Variants in MBD4 observed in about 807,000 individuals in gnomAD.
MBD4 encodes the protein methyl-CpG-binding domain protein 4.
In MBD4, 53 loss-of-function variants were observed where a neutral mutation model predicts 60.2. The observed-to-expected ratio is 0.88, with a 90% CI of 0.71 to 1.11. The LOEUF (loss-of-function observed/expected upper bound fraction) is 1.11. MBD4 is among the 50% of genes least tolerant of loss of function. The pLI is 0.00. For missense variants in MBD4, 619 were observed against 674.0 expected, an observed-to-expected ratio of 0.92 and a Z score of 0.90; for synonymous variants, 231 against 229.8, an observed-to-expected ratio of 1.01 and a Z score of -0.05.
chr3:129,439,511 C>G (rs369289294), intron 1 of MBD4, among the ~76,000 whole-genome samples: 22 of 152,288 alleles, frequency 1.4e-4, no homozygotes, highest in African/African-American at 4.8e-4. Flanking sequence ...CGGCTCCCCC[C>G]CAGTCTCCCT....
intron 3 of MBD4, among the ~76,000 whole-genome samples, chr3:129,435,058 A>C (rs991453580): frequency 1.3e-5 from 2 of 152,168 alleles, no homozygotes; most frequent in African/African-American, 4.8e-5. Flanking sequence ...ACTAGTCAGG[A>C]TGGTTACCTC....
intron 3 of MBD4, among the ~76,000 whole-genome samples, chr3:129,434,883 C>G (rs1302426284): frequency 6.6e-6 from 1 of 152,210 alleles, no homozygotes; most frequent in African/African-American, 2.4e-5. Context: ...TTGAGAACCT[C>G]TATCTATTGG....
At position 129,437,273 on chromosome 3, in the gene MBD4, A is replaced by G; in HGVS notation, c.371T>C (p.Leu124Pro). The G allele has an allele frequency of 6.2e-7, 1 of 1,609,966 alleles. No homozygotes were observed. Among genetic ancestry groups the G allele is most frequent in the Admixed American group, 1.7e-5 (1 of 59,956 alleles). The stretch of plus-strand genomic sequence containing the variant: ...TCCATTTTTGTGAAGATAATTAGCA[A>G]GTGAACTTTTGGATCTGAACTTCAG... ...QGLKFRSKSS[L>P]ANYLHKNGET... Residue 124 changes from leucine (L) to proline (P), a missense_variant, in exon 3 of 8, where the codon CTT (leucine) becomes CCT (proline). Physicochemically the swap from Leu to Pro is moderately conservative, Grantham distance 98. Coordinates refer to ENST00000429544, the MANE Select transcript of MBD4 (RefSeq NM_001276270.2).
intron 3 of MBD4, 128 bp from the exon 4 acceptor site, chr3:129,434,264 T>C (rs1577062309): frequency 1.3e-6 from 1 of 759,002 alleles, no homozygotes; most frequent in Non-Finnish European, 2.3e-6. Context: ...TTTACATAAA[T>C]ACCCAATTAA....
At chr3:129,434,876 AGAACCTCTATCTATTGG>A (rs541827906) in intron 3 of MBD4, among the ~76,000 whole-genome samples, 2 of 152,376 alleles carry the variant, frequency 1.3e-5, no homozygotes, top group African/African-American at 4.8e-5. Context: ...CTACCTATTG[AGAACCTCTATCTATTGG>A]GAACCAGTGT....
At position 129,437,136 on chromosome 3, in the gene MBD4, G is replaced by A; in HGVS notation, c.508C>T (p.Gln170Ter). ...AGGTTCCAGTTTGAATTGTTACTTT[G>A]GTTTTGTAGATGGGATGTCAGGGCT... ...MAALTSHLQN[Q>*]SNNSNWNLRT... The change falls in exon 3 of 8, where the codon CAA becomes TAA. Residue 170 changes from glutamine to a stop codon, truncating the protein, a stop_gained. Coordinates refer to ENST00000429544, the MANE Select transcript of MBD4 (RefSeq NM_001276270.2). LOFTEE classifies it high-confidence loss of function. 6.2e-7 allele frequency: 1 copy of A among 1,613,918 alleles called. No homozygotes were observed. The highest frequency in any genetic ancestry group is 8.5e-7 in the Non-Finnish European group (1 of 1,179,886).
In MBD4 at chr3:129,433,232, G is replaced by A; in HGVS notation, c.1409C>T (p.Pro470Leu). Residue 470 changes from proline to leucine, a missense_variant, in exon 6 of 8, where the codon CCT (proline) becomes CTT (leucine). Physicochemically the swap from Pro to Leu is moderately conservative, Grantham distance 98. Coordinates refer to ENST00000429544, the MANE Select transcript of MBD4 (RefSeq NM_001276270.2). ...CTTCTCCAGAAACTTCCAAAGCACA[G>A]GTATTGCCATTTTGCCTGGGAAGTA... Reference protein sequence around the residue: ...LNRTSGKMAIPVLWKFLEKYP... With the variant: ...LNRTSGKMAILVLWKFLEKYP... 6.2e-7 allele frequency: 1 copy of A among 1,614,134 alleles called. No individual in the cohort carries two copies. The highest frequency in any genetic ancestry group is 8.5e-7 in the Non-Finnish European group (1 of 1,180,020).
At chr3:129,436,239 C>A (rs767457971) in intron 3 of MBD4, among the ~76,000 whole-genome samples, 1 of 152,164 alleles carries the variant, frequency 6.6e-6, no homozygotes, top group African/African-American at 2.4e-5. Context: ...ATCACGACAG[C>A]AGTCAGCCGA....
intron 2 of MBD4, 115 bp downstream of exon 2, chr3:129,437,605 A>G (rs952095384): frequency 1.3e-6 from 1 of 768,760 alleles, no homozygotes; most frequent in African/African-American, 1.7e-5. Flanking sequence ...AAAGAATAGA[A>G]TCTGCAATGG....
In MBD4 at chr3:129,437,243, G is replaced by C. The variant is rs1559801485; in HGVS notation, c.401C>G (p.Thr134Ser). ...ATCAAAATCTTCTGGCTTAAGAGAA[G>C]TCTCTCCATTTTTGTGAAGATAATT... ...LANYLHKNGE[T>S]SLKPEDFDFT... The change falls in exon 3 of 8, where the codon ACT (threonine) becomes AGT (serine). Residue 134 changes from threonine (T) to serine (S), a missense_variant. Thr to Ser is a moderately conservative substitution (Grantham distance 58, BLOSUM62 1). Coordinates refer to ENST00000429544, the MANE Select transcript of MBD4 (RefSeq NM_001276270.2). 1.9e-6 allele frequency: 3 copies of C among 1,612,104 alleles called. No individual in the cohort carries two copies. Among genetic ancestry groups the C allele is most frequent in the Non-Finnish European group, 2.5e-6 (3 of 1,179,358 alleles).
intron 3 of MBD4, among the ~76,000 whole-genome samples, chr3:129,435,358 G>A (rs2072438297): frequency 6.6e-6 from 1 of 152,120 alleles, no homozygotes; most frequent in East Asian, 1.9e-4. Flanking sequence ...AAGCCAATGG[G>A]TGTCTTCACT....
rs190790404 is a variant in MBD4 at position 129,431,381 on chromosome 3, C to T, written c.*120G>A. ...CACACACATTAAGAAAGCACACACA[C>T]TAGGCTTCTAGTTGGGCTAATTAAA... On this transcript the variant is annotated 3_prime_UTR_variant, in exon 8 of 8. Coordinates refer to ENST00000429544, the MANE Select transcript of MBD4 (RefSeq NM_001276270.2). The T allele has an allele frequency of 3.8e-6, 3 of 789,476 alleles. No homozygotes were observed. In the East Asian group the frequency reaches 7.3e-5, roughly 19 times the overall value. 48.9% of individuals were successfully genotyped at this position (789,476 alleles called of 1,614,324 possible). A position where few individuals can be genotyped will look rare whatever the true frequency, so the allele number is the denominator to read the frequency against.
intron 3 of MBD4, 77 bp from the exon 4 acceptor site, chr3:129,434,213 T>C: frequency 1.8e-6 from 2 of 1,109,848 alleles, no homozygotes; most frequent in Non-Finnish European, 2.7e-6. Flanking sequence ...AATAATAATA[T>C]CAACACTATT....
chr3:129,436,341 C>T, intron 3 of MBD4, 120 bp downstream of exon 3: 1 of 1,250,454 alleles, frequency 8.0e-7, no homozygotes, highest in South Asian at 1.3e-5. Context: ...TATTTCTTGG[C>T]TCTATTTTCA....
At chr3:129,436,225 T>C (rs1236728181) in intron 3 of MBD4, among the ~76,000 whole-genome samples, 2 of 152,196 alleles carry the variant, frequency 1.3e-5, no homozygotes, top group Non-Finnish European at 2.9e-5. Flanking sequence ...TCCTTTGCCA[T>C]GGCATCACGA....
At chr3:129,432,962 CTTT>C in intron 6 of MBD4, 133 bp downstream of exon 6, 6 of 1,191,898 alleles carry the variant, frequency 5.0e-6, no homozygotes, top group Non-Finnish European at 7.2e-6. Context: ...GGAAAGTGGA[CTTT>C]TTTAAATGCC....
chr3:129,433,735 A>T, intron 5 of MBD4, 115 bp downstream of exon 5: 2 of 1,210,770 alleles, frequency 1.7e-6, no homozygotes, highest in Non-Finnish European at 2.4e-6. Flanking sequence ...GTGAAGGGGG[A>T]ATGCCCTATC....
intron 5 of MBD4, 30 bp downstream of exon 5, chr3:129,433,820 C>T: frequency 6.2e-7 from 1 of 1,613,518 alleles, no homozygotes; most frequent in Non-Finnish European, 8.5e-7. Context: ...ACTGTCTCTA[C>T]TAAGACAAAG....
intron 7 of MBD4, chr3:129,432,053 G>T: frequency 1.3e-6 from 1 of 769,684 alleles, no homozygotes; most frequent in East Asian, 6.8e-5. Context: ...ATGACCACCA[G>T]CATGCCACAG....
Sources: gnomAD v4.1 joint callset for allele counts (sites outside exome capture counted in the v4.1 genomes callset) on GRCh38, gnomAD v4.1.1 for gene constraint, MANE v1.5 for transcripts, NCBI Gene and HGNC (gene_info 2026-07-23, HGNC 2026-07-21) for gene names.